PARVB: variants seen among roughly 807,000 people sequenced by gnomAD.
PARVB encodes the protein beta-parvin.
A neutral mutation model predicts 47.0 loss-of-function variants in PARVB; 46 were observed. The observed-to-expected ratio is 0.98, with a 90% CI of 0.77 to 1.25. PARVB has a LOEUF of 1.25. Among genes scored for constraint, PARVB ranks in the 50% most tolerant of loss-of-function variants. The pLI is 0.00. For missense variants in PARVB, 473 were observed against 471.6 expected (o/e 1.00, Z -0.03); for synonymous variants, 196 against 196.3 (o/e 1.00, Z 0.01).
intron 1 of PARVB, chr22:44,069,049 A>T: frequency 6.9e-7 from 1 of 1,454,892 alleles, no homozygotes; most frequent in Non-Finnish European, 9.5e-7. Flanking sequence ...AGTGCAAGTC[A>T]TAGTGGCGCC....
chr22:44,029,547 A>G (rs7292997), intron 1 of PARVB, among the ~76,000 whole-genome samples: 97,611 of 151,920 alleles, frequency 0.64, 33,052 homozygotes, highest in African/African-American at 0.86. Context: ...AGGCTGAGGC[A>G]GGTGGATCAC....
intron 1 of PARVB, among the ~76,000 whole-genome samples, chr22:44,060,696 G>A (rs934180215): frequency 2.6e-5 from 4 of 152,034 alleles, no homozygotes; most frequent in African/African-American, 9.7e-5. Flanking sequence ...TGCTCAAGAA[G>A]GGAAAACAAG....
At chr22:44,079,680 C>T (rs981560951) in intron 1 of PARVB, among the ~76,000 whole-genome samples, 4 of 152,186 alleles carry the variant, frequency 2.6e-5, no homozygotes, top group African/African-American at 7.2e-5. Context: ...CAATACATTA[C>T]ACTTTGGGAG....
At chr22:44,025,747 A>G (rs1176417593) in intron 1 of PARVB, among the ~76,000 whole-genome samples, 1 of 152,122 alleles carries the variant, frequency 6.6e-6, no homozygotes, top group African/African-American at 2.4e-5. Context: ...CTGTTCTTCC[A>G]TGCAGTCATC....
intron 1 of PARVB, chr22:44,039,868 G>A (rs1164589310): frequency 2.2e-6 from 1 of 455,620 alleles, no homozygotes; most frequent in Non-Finnish European, 4.4e-6. Flanking sequence ...AGGCTGAAGT[G>A]CAGTGGTGCA....
intron 1 of PARVB, among the ~76,000 whole-genome samples, chr22:44,076,219 CCCATGGCAGCTGAGTCGTGGACT>C (rs1225248717): frequency 6.6e-6 from 1 of 152,194 alleles, no homozygotes; most frequent in Non-Finnish European, 1.5e-5. Context: ...AGTTGGGGGC[CCCATGGCAGCTGAGTCGTGGACT>C]CCATGGCCGC....
intron 1 of PARVB, among the ~76,000 whole-genome samples, chr22:44,024,867 C>T (rs2050702951): frequency 6.6e-6 from 1 of 152,210 alleles, no homozygotes; most frequent in Non-Finnish European, 1.5e-5. Flanking sequence ...GGACCCACTA[C>T]TGGGTGTTGC....
At chr22:44,076,057 G>A (rs1396885733) in intron 1 of PARVB, among the ~76,000 whole-genome samples, 1 of 152,256 alleles carries the variant, frequency 6.6e-6, no homozygotes, top group East Asian at 1.9e-4. Flanking sequence ...GGGCAGGTGG[G>A]GCCGGGACTT....
chr22:44,099,352 C>T (rs1256225796), intron 2 of PARVB, among the ~76,000 whole-genome samples: 1 of 152,148 alleles, frequency 6.6e-6, no homozygotes, highest in Non-Finnish European at 1.5e-5. Flanking sequence ...GGTGGGTGCC[C>T]CCTCCGCAGT....
intron 1 of PARVB, among the ~76,000 whole-genome samples, chr22:44,090,703 C>T (rs537210846): frequency 3.9e-4 from 59 of 152,344 alleles, no homozygotes; most frequent in African/African-American, 1.3e-3. Flanking sequence ...CTGTGTAATC[C>T]TCCACACATA....
chr22:44,075,906 A>G (rs2051761070), intron 1 of PARVB, among the ~76,000 whole-genome samples: 1 of 152,208 alleles, frequency 6.6e-6, no homozygotes, highest in Admixed American at 6.5e-5. Context: ...GGGATGGAGC[A>G]GTCGAGCTGG....
At chr22:44,061,555 A>G (rs1160145756) in intron 1 of PARVB, among the ~76,000 whole-genome samples, 1 of 152,214 alleles carries the variant, frequency 6.6e-6, no homozygotes, top group Non-Finnish European at 1.5e-5. Context: ...TTATGATGTG[A>G]GACCTCAGAC....
chr22:44,132,530 T>TA (rs1306621448), intron 5 of PARVB, among the ~76,000 whole-genome samples: 1 of 152,146 alleles, frequency 6.6e-6, no homozygotes, highest in East Asian at 1.9e-4. Flanking sequence ...GTGCCAGAGA[T>TA]AATAACGCAC....
At chr22:44,072,185 T>A (rs984442325) in intron 1 of PARVB, among the ~76,000 whole-genome samples, 7 of 152,212 alleles carry the variant, frequency 4.6e-5, no homozygotes, top group African/African-American at 1.4e-4. Context: ...TGTTTCCAGA[T>A]CTGTAGAACC....
Position 44,024,449 on chromosome 22 carries a change from A to T in PARVB, c.110A>T (p.Glu37Val). The change falls in exon 1 of 13, where the codon GAG (glutamate) becomes GTG (valine). Residue 37 changes from glutamate to valine, a missense_variant and splice_region_variant. Coordinates refer to ENST00000338758, the MANE Select transcript of PARVB (RefSeq NM_013327.5). ...CTGGCCAGGAAGCGGAGGGCGCGCG[A>T]GGGTGAGTGCGCGCCCGCGCCCGCC... is the stretch of plus-strand genomic sequence containing the variant. ...GTLARKRRAR[E>V]VSDLQEEGKN... The T allele has an allele frequency of 8.7e-7, 1 of 1,144,834 alleles. No individual in the cohort carries two copies. The allele number at this position is 1,144,834 out of a possible 1,614,324, so 70.9% of individuals were successfully genotyped here. A position where few individuals can be genotyped will look rare whatever the true frequency, so the allele number is the denominator to read the frequency against.
intron 1 of PARVB, among the ~76,000 whole-genome samples, chr22:44,052,938 A>G (rs1447855676): frequency 2.0e-5 from 3 of 152,114 alleles, no homozygotes; most frequent in South Asian, 4.1e-4. Context: ...GCAAAGCCCT[A>G]TCTCAAAAAA....
chr22:44,098,815 T>G (rs9614324), intron 2 of PARVB, among the ~76,000 whole-genome samples: 24,902 of 152,136 alleles, frequency 0.16, 2,769 homozygotes, highest in East Asian at 0.4. Flanking sequence ...TTCTTTCTTT[T>G]GTATTTTATT....
intron 1 of PARVB, among the ~76,000 whole-genome samples, chr22:44,055,540 G>A (rs1293344979): frequency 6.6e-6 from 1 of 151,970 alleles, no homozygotes. Context: ...TCACCATGTT[G>A]GCCAGGATGA....
chr22:44,149,319 A>G (rs2053752593), intron 9 of PARVB: 1 of 152,210 alleles, frequency 6.6e-6, no homozygotes, highest in Non-Finnish European at 1.5e-5. Flanking sequence ...AGCAAGGAAG[A>G]AGACAGAATC....
Sources: allele counts gnomAD v4.1 joint callset (sites outside exome capture counted in the v4.1 genomes callset), GRCh38; gene constraint gnomAD v4.1.1; transcripts MANE v1.5; gene names NCBI Gene and HGNC (gene_info 2026-07-23, HGNC 2026-07-21).